NCALD: variants seen among roughly 807,000 people sequenced by gnomAD.
NCALD encodes neurocalcin-delta.
Under a neutral mutation model 18.6 loss-of-function variants are expected in NCALD, and 10 were observed. The observed-to-expected ratio is 0.54, with a 90% CI of 0.33 to 0.91. The LOEUF (loss-of-function observed/expected upper bound fraction) is 0.91, where lower values mean the gene tolerates loss of function less well. Ranked by LOEUF, NCALD falls within the 40% of genes least tolerant of loss-of-function variation. The probability of loss-of-function intolerance (pLI) is 0.03; values close to 1 mark genes in which losing one functional copy is unlikely to be tolerated. For synonymous variants in NCALD, 88 were observed against 87.4 expected (o/e 1.01, Z -0.04); for missense variants, 184 against 247.6 (o/e 0.74, Z 1.72).
intron 1 of NCALD, among the ~76,000 whole-genome samples, chr8:102,054,124 C>G (rs981773367): frequency 6.6e-6 from 1 of 152,124 alleles, no homozygotes; most frequent in Non-Finnish European, 1.5e-5. Context: ...TTCAGTCATT[C>G]ACTCACACGT....
intron 1 of NCALD, among the ~76,000 whole-genome samples, chr8:101,742,364 T>C (rs1046181010): frequency 6.6e-6 from 1 of 152,098 alleles, no homozygotes; most frequent in Non-Finnish European, 1.5e-5. Flanking sequence ...AGTTTTCTCT[T>C]TCCATTCATC....
intron 4 of NCALD, among the ~76,000 whole-genome samples, chr8:101,876,023 G>T (rs944833620): frequency 3.3e-5 from 5 of 152,214 alleles, no homozygotes; most frequent in African/African-American, 1.2e-4. Flanking sequence ...TTTCTAGCTA[G>T]ATGGTCCTAA....
At chr8:101,705,043 A>T (rs1253342025) in intron 2 of NCALD, among the ~76,000 whole-genome samples, 2 of 151,916 alleles carry the variant, frequency 1.3e-5, no homozygotes, top group Non-Finnish European at 2.9e-5. Flanking sequence ...CCTGGCCAAC[A>T]TGATGAAACC....
intron 1 of NCALD, among the ~76,000 whole-genome samples, chr8:102,043,819 T>A (rs1313698998): frequency 6.6e-6 from 1 of 151,546 alleles, no homozygotes; most frequent in East Asian, 1.9e-4. Flanking sequence ...TAAGTCAGGC[T>A]GGCGTTAGGG....
At chr8:102,005,625 C>T (rs1821671753) in intron 2 of NCALD, among the ~76,000 whole-genome samples, 1 of 152,230 alleles carries the variant, frequency 6.6e-6, no homozygotes, top group Non-Finnish European at 1.5e-5. Context: ...TTGGAACTAA[C>T]CCAAATGTCC....
At chr8:101,828,785 G>T (rs1343060758) in intron 4 of NCALD, among the ~76,000 whole-genome samples, 1 of 152,036 alleles carries the variant, frequency 6.6e-6, no homozygotes, top group Non-Finnish European at 1.5e-5. Context: ...TATTTTAAAT[G>T]ATCTGTGTCT....
intron 2 of NCALD, among the ~76,000 whole-genome samples, chr8:101,970,770 C>A (rs1820211194): frequency 6.6e-6 from 1 of 152,142 alleles, no homozygotes; most frequent in African/African-American, 2.4e-5. Flanking sequence ...TCACCCAATG[C>A]CAAAAATCTT....
chr8:101,919,045 G>A (rs1363793394), intron 2 of NCALD, among the ~76,000 whole-genome samples: 1 of 151,850 alleles, frequency 6.6e-6, no homozygotes, highest in African/African-American at 2.4e-5. Flanking sequence ...AATTTATATA[G>A]AACCAAAAAG....
intron 3 of NCALD, chr8:101,690,562 C>T (rs1203041549): frequency 1.0e-6 from 1 of 985,308 alleles, no homozygotes; most frequent in Non-Finnish European, 1.2e-6. Context: ...CCAAACCTGA[C>T]AGGAGGGGGC....
At chr8:101,749,562 T>A (rs1376120845) in intron 1 of NCALD, among the ~76,000 whole-genome samples, 2 of 152,132 alleles carry the variant, frequency 1.3e-5, no homozygotes, top group Non-Finnish European at 2.9e-5. Context: ...GCCTCAGTAA[T>A]CTCACCTGCA....
At chr8:102,041,956 C>G (rs1264312563) in intron 1 of NCALD, among the ~76,000 whole-genome samples, 1 of 151,980 alleles carries the variant, frequency 6.6e-6, no homozygotes. Context: ...GCAGCAAGCT[C>G]CACCCATCAG....
chr8:101,892,733 T>C (rs376851407), intron 3 of NCALD, among the ~76,000 whole-genome samples: 7 of 150,352 alleles, frequency 4.7e-5, no homozygotes, highest in East Asian at 1.9e-4. Context: ...CCTCAGGAGC[T>C]GATGCGATCA....
At chr8:101,821,454 A>G (rs1446549038) in intron 4 of NCALD, among the ~76,000 whole-genome samples, 1 of 152,348 alleles carries the variant, frequency 6.6e-6, no homozygotes, top group East Asian at 1.9e-4. Context: ...AAGGTCACAC[A>G]GCTAGTAAGT....
At chr8:101,944,599 G>C (rs900277547) in intron 2 of NCALD, among the ~76,000 whole-genome samples, 2 of 152,204 alleles carry the variant, frequency 1.3e-5, no homozygotes, top group African/African-American at 4.8e-5. Context: ...CCCTATACCT[G>C]TATCACCTGA....
intron 3 of NCALD, among the ~76,000 whole-genome samples, chr8:101,896,147 G>T (rs1213028670): frequency 6.6e-6 from 1 of 151,416 alleles, no homozygotes; most frequent in Non-Finnish European, 1.5e-5. Context: ...AAACAGCATG[G>T]TACTGGTACC....
intron 1 of NCALD, among the ~76,000 whole-genome samples, chr8:101,752,533 A>G (rs1810702157): frequency 6.6e-6 from 1 of 152,242 alleles, no homozygotes; most frequent in African/African-American, 2.4e-5. Flanking sequence ...GAGTTGGAAC[A>G]CACAAAAGAT....
At chr8:101,694,008 C>T (rs2387621) in intron 2 of NCALD, 69,865 of 151,506 alleles carry the variant, frequency 0.46, 16,649 homozygotes, top group South Asian at 0.58. Context: ...GAAACTATCA[C>T]CCCATGCCTG....
chr8:101,743,916 G>C (rs768756609), intron 1 of NCALD, among the ~76,000 whole-genome samples: 6 of 152,166 alleles, frequency 3.9e-5, no homozygotes, highest in African/African-American at 1.4e-4. Context: ...GCCAAGGCTC[G>C]GCTGGGAAAT....
intron 2 of NCALD, among the ~76,000 whole-genome samples, chr8:101,695,519 G>C (rs1246425120): frequency 1.3e-5 from 2 of 152,114 alleles, no homozygotes; most frequent in Non-Finnish European, 2.9e-5. Flanking sequence ...CAGCAGCTTT[G>C]TTTATATTCT....
Sources: gnomAD v4.1 joint callset for allele counts (sites outside exome capture counted in the v4.1 genomes callset) on GRCh38, gnomAD v4.1.1 for gene constraint, MANE v1.5 for transcripts, NCBI Gene and HGNC (gene_info 2026-07-23, HGNC 2026-07-21) for gene names.